Variants in ARHGAP5 observed in about 807,000 individuals in gnomAD.
ARHGAP5 encodes rho GTPase-activating protein 5.
Under a neutral mutation model 116.6 loss-of-function variants are expected in ARHGAP5, and 23 were observed. The ratio of observed to expected loss-of-function variants is 0.20; its 90% CI spans 0.14 to 0.28. The LOEUF (loss-of-function observed/expected upper bound fraction) is 0.28. Ranked by LOEUF, ARHGAP5 falls within the 10% of genes least tolerant of loss-of-function variation. The probability of loss-of-function intolerance (pLI) is 1.00; values close to 1 mark genes in which losing one functional copy is unlikely to be tolerated. For synonymous variants in ARHGAP5, 574 were observed against 602.0 expected (o/e 0.95, Z 0.68); for missense variants, 1,405 against 1,774.8 (o/e 0.79, Z 3.74).
intron 1 of ARHGAP5, among the ~76,000 whole-genome samples, chr14:32,084,654 T>C (rs777856662): frequency 6.6e-6 from 1 of 152,190 alleles, no homozygotes; most frequent in Non-Finnish European, 1.5e-5. Context: ...TTGTTCAAAT[T>C]TTTAATAGGT....
intron 2 of ARHGAP5, among the ~76,000 whole-genome samples, chr14:32,103,894 A>G (rs182657171): frequency 1.5e-3 from 222 of 152,338 alleles, no homozygotes; most frequent in African/African-American, 5.1e-3. Flanking sequence ...TTACAACAAA[A>G]TATAAGGATA....
chr14:32,101,355 C>A (rs1391325313), intron 2 of ARHGAP5, among the ~76,000 whole-genome samples: 1 of 152,086 alleles, frequency 6.6e-6, no homozygotes. Context: ...CTGATATTAG[C>A]AAATCATGAC....
intron 3 of ARHGAP5, among the ~76,000 whole-genome samples, chr14:32,129,988 G>A (rs934484051): frequency 1.6e-4 from 24 of 151,856 alleles, no homozygotes; most frequent in Non-Finnish European, 1.6e-4. Context: ...GCCTGATCCC[G>A]GGAATTTGAG....
rs193181169 is a variant in ARHGAP5 at position 32,097,876 on chromosome 14, A to C, written c.3717+3490A>C. Among the ~76,000 whole-genome samples, 29 of 152,352 alleles carry C rather than the reference A, an allele frequency of 1.9e-4. 1 individual carries two copies. The highest frequency in any genetic ancestry group is 1.8e-3 in the Admixed American group (27 of 15,304). On this transcript the variant is annotated intron_variant, in intron 2 of 6. Coordinates refer to ENST00000345122, the MANE Select transcript of ARHGAP5 (RefSeq NM_001030055.2). ...TACAGAAGACACCATTTATAAAAAC[A>C]TGACAGATTATCAAGTCCCCAGGAA...
intron 2 of ARHGAP5, among the ~76,000 whole-genome samples, chr14:32,106,522 G>A (rs899132778): frequency 2.6e-5 from 4 of 152,118 alleles, no homozygotes; most frequent in African/African-American, 7.2e-5. Context: ...TTAGGTTTCC[G>A]TGTTCCATTC....
At chr14:32,145,827 T>A (rs1435807438) in intron 3 of ARHGAP5, among the ~76,000 whole-genome samples, 1 of 152,206 alleles carries the variant, frequency 6.6e-6, no homozygotes, top group East Asian at 1.9e-4. Context: ...CTTACTTTTT[T>A]AAAATGCTCA....
chr14:32,140,185 G>C, intron 3 of ARHGAP5, among the ~76,000 whole-genome samples: 1 of 129,406 alleles, frequency 7.7e-6, no homozygotes, highest in East Asian at 2.5e-4. Context: ...AGTTACATAT[G>C]TATACATGTG....
At chr14:32,083,694 A>G (rs2041800981) in intron 1 of ARHGAP5, among the ~76,000 whole-genome samples, 1 of 152,176 alleles carries the variant, frequency 6.6e-6, no homozygotes, top group African/African-American at 2.4e-5. Flanking sequence ...TTATTCAATC[A>G]GGTGCTCTCA....
rs188755853 is a variant in ARHGAP5, at chr14:32,132,752, T to G, written c.3866-13511T>G. 6.2e-3 allele frequency among the ~76,000 whole-genome samples: 937 copies of G among 152,304 alleles called. 33 individuals carry two copies. The East Asian group carries it at 0.092, about 15-fold the overall frequency. ...TTTAAGTCTTTAATCCATCTTGAAT[T>G]GATTTTTGTGTAAGGTGTAAGGAAG... On this transcript the variant is annotated intron_variant, in intron 3 of 6. Transcript: ENST00000345122.
rs1250881049 is a variant in ARHGAP5, at chr14:32,158,759, G to A, written c.*3811G>A. On this transcript the variant is annotated 3_prime_UTR_variant, in exon 7 of 7. Coordinates refer to ENST00000345122, the MANE Select transcript of ARHGAP5 (RefSeq NM_001030055.2). ...AGTAAAATTTTCTAAGATTTAATAA[G>A]GGAAGATACTATTCAAATCATTTTC... 6.6e-6 allele frequency: 1 copy of A among 151,982 alleles called. No individual in the cohort carries two copies. The highest frequency in any genetic ancestry group is 1.9e-4 in the East Asian group (1 of 5,202). The allele number at this position is 151,982 out of a possible 1,614,324, so 9.4% of individuals were successfully genotyped here. A position where few individuals can be genotyped will look rare whatever the true frequency, so the allele number is the denominator to read the frequency against.
At chr14:32,147,228 A>G (rs148821936) in intron 4 of ARHGAP5, among the ~76,000 whole-genome samples, 1 of 152,326 alleles carries the variant, frequency 6.6e-6, no homozygotes, top group East Asian at 1.9e-4. Context: ...GAAAAGCCTA[A>G]ACTTGATATG....
chr14:32,131,653 A>G (rs1402059465), intron 3 of ARHGAP5, among the ~76,000 whole-genome samples: 1 of 152,180 alleles, frequency 6.6e-6, no homozygotes, highest in African/African-American at 2.4e-5. Context: ...TTACATATGT[A>G]TACATGTGCC....
At chr14:32,083,534 T>TTA (rs1400081431) in intron 1 of ARHGAP5, among the ~76,000 whole-genome samples, 1 of 152,380 alleles carries the variant, frequency 6.6e-6, no homozygotes, top group Middle Eastern at 3.4e-3. Context: ...GTTGCATTTA[T>TTA]TAGTACCATG....
At chr14:32,144,718 A>T (rs1594393453) in intron 3 of ARHGAP5, among the ~76,000 whole-genome samples, 2 of 152,106 alleles carry the variant, frequency 1.3e-5, no homozygotes, top group Admixed American at 6.6e-5. Flanking sequence ...TCCTGACCTC[A>T]AGTGATCCAC....
intron 3 of ARHGAP5, among the ~76,000 whole-genome samples, chr14:32,146,016 C>G (rs1002962393): frequency 1.3e-5 from 2 of 151,888 alleles, no homozygotes; most frequent in African/African-American, 4.8e-5. Context: ...AGGTGGGGAG[C>G]CTGAGCCTCA....
chr14:32,136,186 AT>A (rs1880783476), intron 3 of ARHGAP5, among the ~76,000 whole-genome samples: 1 of 152,218 alleles, frequency 6.6e-6, no homozygotes, highest in South Asian at 2.1e-4. Context: ...ATTCAGAGGC[AT>A]TTAGTATATT....
intron 3 of ARHGAP5, among the ~76,000 whole-genome samples, chr14:32,139,033 A>G (rs1284936803): frequency 6.6e-6 from 1 of 151,830 alleles, no homozygotes; most frequent in Non-Finnish European, 1.5e-5. Flanking sequence ...CATATTTCAT[A>G]CTACCCTTGC....
Position 32,143,984 on chromosome 14 carries a change from A to G in ARHGAP5, c.3866-2279A>G, listed in dbSNP as rs187853983. 1.9e-3 allele frequency among the ~76,000 whole-genome samples: 290 copies of G among 152,280 alleles called. 2 individuals carry two copies. Among genetic ancestry groups the G allele is most frequent in the Non-Finnish European group, 3.2e-3 (220 of 68,012 alleles). ...ACCAAAAATATCTCTAGGCATTACC[A>G]AGTGTTCCTTGAGGTGCATTATGCC... On this transcript the variant is annotated intron_variant, in intron 3 of 6. Transcript: ENST00000345122.
rs1396014211 is a variant in ARHGAP5 at position 32,156,718 on chromosome 14, C to A, written c.*1770C>A. 6.6e-6 allele frequency: 1 copy of A among 152,158 alleles called. No individual in the cohort carries two copies. The highest frequency in any genetic ancestry group is 1.9e-4 in the East Asian group (1 of 5,198). 9.4% of individuals were successfully genotyped at this position (152,158 alleles called of 1,614,324 possible). A position where few individuals can be genotyped will look rare whatever the true frequency, so the allele number is the denominator to read the frequency against. The stretch of plus-strand genomic sequence containing the variant: ...CTATATAGCTTTAATTTATAGTTGT[C>A]AGTTTAACTATTGGCATGTCTGGCA... On this transcript the variant is annotated 3_prime_UTR_variant, in exon 7 of 7. Transcript: ENST00000345122.
Sources: allele counts gnomAD v4.1 joint callset (sites outside exome capture counted in the v4.1 genomes callset), GRCh38; gene constraint gnomAD v4.1.1; transcripts MANE v1.5; gene names NCBI Gene and HGNC (gene_info 2026-07-23, HGNC 2026-07-21).